The following SCHIP1 variants were observed in gnomAD, a reference collection of about 807,000 sequenced individuals.
SCHIP1 encodes schwannomin-interacting protein 1.
SCHIP1 carries 8 observed loss-of-function variants against 29.7 expected under a neutral mutation model. The observed-to-expected ratio is 0.27, with a 90% CI of 0.16 to 0.49. SCHIP1 has a LOEUF of 0.49. Among genes scored for constraint, SCHIP1 ranks in the 20% least tolerant of loss-of-function variants. The pLI is 0.99. For synonymous variants in SCHIP1, 76 were observed against 94.9 expected (o/e 0.80, Z 1.16); for missense variants, 193 against 294.6 (o/e 0.66, Z 2.52).
At chr3:159,544,754 G>T in the SCHIP1 span, among the ~76,000 whole-genome samples, 3 of 151,960 alleles carry the variant, frequency 2.0e-5, no homozygotes, top group Admixed American at 1.3e-4. Context: ...TGTGCCCTTT[G>T]TTAGCTATAT....
At chr3:159,425,598 C>T in the SCHIP1 span, among the ~76,000 whole-genome samples, 3 of 152,124 alleles carry the variant, frequency 2.0e-5, no homozygotes, top group African/African-American at 7.2e-5. Context: ...TAATGGGAGA[C>T]TTTAACACCC....
rs181272071 is a variant in SCHIP1 at position 159,858,170 on chromosome 3, C to T, written c.31-7993C>T. ...TGGCACCTGTTAAAAATAGAGTTGCCAGATAACACTGTCTTGTGCTAAAAA... is the reference window on the plus strand; with the variant it reads ...TGGCACCTGTTAAAAATAGAGTTGCTAGATAACACTGTCTTGTGCTAAAAA... On this transcript the variant is annotated intron_variant, in intron 1 of 6. Transcript: ENST00000445224. Among the ~76,000 whole-genome samples the T allele has an allele frequency of 3.3e-5, 5 of 152,298 alleles. No homozygotes were observed. In the East Asian group the frequency reaches 5.8e-4, roughly 18 times the overall value.
chr3:159,841,507 C>T (rs540289435), intron 1 of SCHIP1, among the ~76,000 whole-genome samples: 1 of 152,190 alleles, frequency 6.6e-6, no homozygotes, highest in Non-Finnish European at 1.5e-5. Context: ...GCCTAATCTA[C>T]ACATGGCATG....
At chr3:159,597,429 G>T in the SCHIP1 span, among the ~76,000 whole-genome samples, 2 of 151,834 alleles carry the variant, frequency 1.3e-5, no homozygotes, top group South Asian at 4.1e-4. Flanking sequence ...TTCTATTCAT[G>T]TTCCCCCCAC....
the SCHIP1 span, among the ~76,000 whole-genome samples, chr3:159,767,586 AC>A: frequency 2.6e-5 from 4 of 152,212 alleles, no homozygotes; most frequent in African/African-American, 9.7e-5. Flanking sequence ...ATTAATACAC[AC>A]CACTAGGAAT....
At chr3:159,625,666 CTTT>C in the SCHIP1 span, among the ~76,000 whole-genome samples, 1 of 152,082 alleles carries the variant, frequency 6.6e-6, no homozygotes, top group African/African-American at 2.4e-5. Context: ...CAAATGGGCT[CTTT>C]TTTGTTTCCA....
intron 2 of SCHIP1, among the ~76,000 whole-genome samples, chr3:159,869,863 T>C (rs1008164393): frequency 2.6e-5 from 4 of 151,926 alleles, no homozygotes; most frequent in African/African-American, 7.2e-5. Context: ...TTAGATCTTA[T>C]TAGGTATTTC....
chr3:159,728,591 C>T, the SCHIP1 span, among the ~76,000 whole-genome samples: 1 of 152,164 alleles, frequency 6.6e-6, no homozygotes, highest in Non-Finnish European at 1.5e-5. Context: ...AAGAGGAGCT[C>T]CCCTTTCCCT....
chr3:159,840,221 T>G (rs1480883297), intron 1 of SCHIP1: 1 of 1,533,778 alleles, frequency 6.5e-7, no homozygotes, highest in Non-Finnish European at 8.7e-7. Flanking sequence ...TCAGGTAAAA[T>G]TTAAAGCCTG....
At chr3:159,296,404 C>G in the SCHIP1 span, among the ~76,000 whole-genome samples, 4 of 152,176 alleles carry the variant, frequency 2.6e-5, no homozygotes, top group African/African-American at 4.8e-5. Flanking sequence ...TTACCAGAGT[C>G]AAGTTAATTA....
At chr3:159,738,705 AGAGAG>A in the SCHIP1 span, among the ~76,000 whole-genome samples, 2 of 152,238 alleles carry the variant, frequency 1.3e-5, no homozygotes, top group African/African-American at 4.8e-5. Context: ...CTTACATTCC[AGAGAG>A]GAGAGAGAGA....
chr3:159,412,344 G>A, the SCHIP1 span, among the ~76,000 whole-genome samples: 1 of 152,192 alleles, frequency 6.6e-6, no homozygotes, highest in Non-Finnish European at 1.5e-5. Flanking sequence ...CCTTTTGACA[G>A]TAGAAGGAGG....
the SCHIP1 span, among the ~76,000 whole-genome samples, chr3:159,659,743 G>C: frequency 3.3e-5 from 5 of 152,274 alleles, no homozygotes; most frequent in African/African-American, 1.2e-4. Context: ...AAAAACCTGA[G>C]AAAGCTAGAT....
chr3:159,401,016 T>G, the SCHIP1 span: 1 of 172,162 alleles, frequency 5.8e-6, no homozygotes, highest in African/African-American at 2.4e-5. Flanking sequence ...CAGAAGGGAT[T>G]GTGTTTACAA....
chr3:159,814,131 A>C, the SCHIP1 span, among the ~76,000 whole-genome samples: 4 of 152,226 alleles, frequency 2.6e-5, no homozygotes, highest in East Asian at 7.8e-4. Context: ...GGCTGAGGAG[A>C]ACTAGGATGC....
At chr3:159,697,483 G>A in the SCHIP1 span, among the ~76,000 whole-genome samples, 782 of 152,254 alleles carry the variant, frequency 5.1e-3, 12 homozygotes, top group African/African-American at 0.018. Context: ...TATAGGTCTA[G>A]TGAGGCAAGG....
the SCHIP1 span, among the ~76,000 whole-genome samples, chr3:159,557,772 C>T: frequency 6.6e-6 from 1 of 152,180 alleles, no homozygotes; most frequent in African/African-American, 2.4e-5. Context: ...CAGTAATATG[C>T]TTCTAAGAGT....
At chr3:159,413,311 A>T in the SCHIP1 span, among the ~76,000 whole-genome samples, 8 of 152,232 alleles carry the variant, frequency 5.3e-5, no homozygotes, top group Non-Finnish European at 1.2e-4. Context: ...TGCAGGGCTA[A>T]GCAGAGCTAT....
the SCHIP1 span, among the ~76,000 whole-genome samples, chr3:159,678,876 C>T: frequency 6.6e-6 from 1 of 152,182 alleles, no homozygotes; most frequent in African/African-American, 2.4e-5. Flanking sequence ...CATTAGATCT[C>T]GTGAGAACTC....
Sources: gnomAD v4.1 joint callset for allele counts (sites outside exome capture counted in the v4.1 genomes callset) on GRCh38, gnomAD v4.1.1 for gene constraint, MANE v1.5 for transcripts, NCBI Gene and HGNC (gene_info 2026-07-23, HGNC 2026-07-21) for gene names.